Variants in OR2L13 observed in about 807,000 individuals in gnomAD.
OR2L13 encodes olfactory receptor family 2 subfamily L member 13, also known as olfactory receptor 2L13.
Under a neutral mutation model 15.3 loss-of-function variants are expected in OR2L13, and 14 were observed. The ratio of observed to expected loss-of-function variants is 0.91; its 90% CI spans 0.60 to 1.43. OR2L13 has a LOEUF of 1.43. OR2L13 is among the 40% of genes most tolerant of loss of function. OR2L13 has a pLI of 0.00. For missense variants in OR2L13, 367 were observed against 387.9 expected, an observed-to-expected ratio of 0.95 and a Z score of 0.45; for synonymous variants, 152 against 142.9, an observed-to-expected ratio of 1.06 and a Z score of -0.45.
chr1:247,969,289 T>C, the OR2L13 span, among the ~76,000 whole-genome samples: 2 of 152,228 alleles, frequency 1.3e-5, no homozygotes, highest in African/African-American at 2.4e-5. Context: ...TCCCATTCTG[T>C]AGGTTGCCTG....
chr1:248,084,064 C>T, the OR2L13 span: 88 of 1,610,716 alleles, frequency 5.5e-5, no homozygotes, highest in African/African-American at 3.5e-4. Context: ...ACGGGGGCCT[C>T]GCAGAAGAAG....
exon 3 of OR2L13, chr1:248,100,922 A>G (rs1038893898): frequency 3.1e-5 from 5 of 162,330 alleles, no homozygotes; most frequent in Non-Finnish European, 5.9e-5. Context: ...ATGCTAAGGT[A>G]GTGTTTATGT....
the OR2L13 span, among the ~76,000 whole-genome samples, chr1:248,021,366 G>C: frequency 4.0e-4 from 61 of 152,224 alleles, no homozygotes; most frequent in Middle Eastern, 3.4e-3. Flanking sequence ...ACTAAACTAA[G>C]GATTTTTAAA....
At chr1:248,020,124 A>G in the OR2L13 span, among the ~76,000 whole-genome samples, 777 of 152,242 alleles carry the variant, frequency 5.1e-3, 6 homozygotes, top group African/African-American at 0.017. Flanking sequence ...CTTTATACCA[A>G]TGCCATACTG....
At chr1:248,011,114 G>A in the OR2L13 span, among the ~76,000 whole-genome samples, 3 of 152,064 alleles carry the variant, frequency 2.0e-5, no homozygotes, top group Non-Finnish European at 4.4e-5. Flanking sequence ...CATGTTTAGT[G>A]CTTCCTTCAG....
the OR2L13 span, chr1:248,061,347 T>A: frequency 6.2e-7 from 1 of 1,613,844 alleles, no homozygotes; most frequent in Admixed American, 1.7e-5. Flanking sequence ...GGGTTCTCCT[T>A]GCTGTCTACC....
the OR2L13 span, chr1:248,055,778 A>G: frequency 3.2e-3 from 483 of 152,346 alleles, 8 homozygotes; most frequent in African/African-American, 0.011. Flanking sequence ...ACTCCGTCTC[A>G]AGGAAAAAAA....
chr1:247,997,073 A>G, the OR2L13 span: 1 of 152,152 alleles, frequency 6.6e-6, no homozygotes, highest in Non-Finnish European at 1.5e-5. Flanking sequence ...TTCCACTCCC[A>G]CTGCTTCATC....
the OR2L13 span, among the ~76,000 whole-genome samples, chr1:247,954,916 C>G: frequency 6.6e-6 from 1 of 151,464 alleles, no homozygotes; most frequent in Non-Finnish European, 1.5e-5. Context: ...CACTAAATAA[C>G]CTGAAATTTG....
the OR2L13 span, among the ~76,000 whole-genome samples, chr1:247,945,567 G>A: frequency 2.6e-5 from 4 of 152,054 alleles, no homozygotes; most frequent in African/African-American, 7.2e-5. Context: ...TTAATTCTCT[G>A]GCTCAAGATC....
At chr1:247,949,992 T>C in the OR2L13 span, among the ~76,000 whole-genome samples, 2 of 151,864 alleles carry the variant, frequency 1.3e-5, no homozygotes, top group East Asian at 1.9e-4. Context: ...ATGGCCTTTT[T>C]CCAAAAATTT....
At chr1:247,961,421 G>T in the OR2L13 span, among the ~76,000 whole-genome samples, 1 of 152,284 alleles carries the variant, frequency 6.6e-6, no homozygotes, top group African/African-American at 2.4e-5. Flanking sequence ...GCAGATAGAT[G>T]AGAAAGGATG....
At chr1:247,993,020 C>T in the OR2L13 span, among the ~76,000 whole-genome samples, 664 of 150,838 alleles carry the variant, frequency 4.4e-3, 4 homozygotes, top group African/African-American at 0.015. Context: ...TTCTCTGCAG[C>T]TTCACCAGCA....
chr1:248,025,599 G>A, the OR2L13 span, among the ~76,000 whole-genome samples: 175 of 148,396 alleles, frequency 1.2e-3, 1 homozygote, highest in Admixed American at 0.01. Context: ...CCATTACTGG[G>A]TATATACCCA....
At chr1:247,958,972 T>C in the OR2L13 span, among the ~76,000 whole-genome samples, 1 of 152,242 alleles carries the variant, frequency 6.6e-6, no homozygotes, top group South Asian at 2.1e-4. Context: ...TGTGTGAATT[T>C]GATCCTGTCA....
chr1:247,956,916 C>A, the OR2L13 span, among the ~76,000 whole-genome samples: 1 of 152,128 alleles, frequency 6.6e-6, no homozygotes, highest in African/African-American at 2.4e-5. Context: ...TTCCTCTTTT[C>A]CCAGTTGAAT....
chr1:247,946,031 A>G, the OR2L13 span, among the ~76,000 whole-genome samples: 1 of 152,136 alleles, frequency 6.6e-6, no homozygotes. Context: ...AATCGCTGTA[A>G]TCAGCATTTT....
the OR2L13 span, among the ~76,000 whole-genome samples, chr1:248,047,740 A>C: frequency 6.6e-6 from 1 of 152,214 alleles, no homozygotes; most frequent in Non-Finnish European, 1.5e-5. Context: ...AACAATGTGA[A>C]GGCTATATTA....
the OR2L13 span, among the ~76,000 whole-genome samples, chr1:247,962,239 C>T: frequency 6.6e-6 from 1 of 152,128 alleles, no homozygotes; most frequent in East Asian, 1.9e-4. Flanking sequence ...ACTAGAGTGC[C>T]AATTAGGTAA....
Sources: allele counts gnomAD v4.1 joint callset (sites outside exome capture counted in the v4.1 genomes callset), GRCh38; gene constraint gnomAD v4.1.1; transcripts MANE v1.5; gene names NCBI Gene and HGNC (gene_info 2026-07-23, HGNC 2026-07-21).